Variants in TMEM164 observed in about 807,000 individuals in gnomAD.
The protein encoded by TMEM164 is transmembrane protein 164, also known as RP13-360B22.2.
In TMEM164, 4 loss-of-function variants were observed where a neutral mutation model predicts 18.8. The ratio of observed to expected loss-of-function variants is 0.21; its 90% confidence interval spans 0.10 to 0.49. The LOEUF (loss-of-function observed/expected upper bound fraction) is 0.49. Among genes scored for constraint, TMEM164 ranks in the 20% least tolerant of loss-of-function variants. The probability of loss-of-function intolerance (pLI) is 0.98; values close to 1 mark genes in which losing one functional copy is unlikely to be tolerated. For missense variants in TMEM164, 108 were observed against 239.9 expected (o/e 0.45, Z 3.63); for synonymous variants, 86 against 101.7 (o/e 0.85, Z 0.93).
At chrX:110,068,661 A>T (rs2065536222) in intron 3 of TMEM164, among the ~76,000 whole-genome samples, 2 of 111,663 alleles carry the variant, frequency 1.8e-5, no homozygotes. Context: ...TTATTGATAC[A>T]TTCATATAGG....
At chrX:110,073,074 C>G (rs1027273074) in intron 3 of TMEM164, among the ~76,000 whole-genome samples, 2 of 111,321 alleles carry the variant, frequency 1.8e-5, no homozygotes, top group East Asian at 5.6e-4. Flanking sequence ...CTCTGGTGCC[C>G]AGGCTGGAGT....
intron 2 of TMEM164, among the ~76,000 whole-genome samples, chrX:110,035,724 C>T (rs1366087230): frequency 2.7e-5 from 3 of 109,834 alleles, no homozygotes; most frequent in East Asian, 5.7e-4. Flanking sequence ...AGGCTGGTCT[C>T]GAACTCCTGA....
At chrX:110,012,463 C>T (rs1415264435) in intron 2 of TMEM164, among the ~76,000 whole-genome samples, 2 of 111,942 alleles carry the variant, frequency 1.8e-5, no homozygotes, top group Admixed American at 9.4e-5. Flanking sequence ...AAAAAAGGGC[C>T]TTGTTACCCT....
chrX:110,054,056 A>T (rs1478574580), intron 2 of TMEM164, among the ~76,000 whole-genome samples: 1 of 111,968 alleles, frequency 8.9e-6, no homozygotes, highest in Non-Finnish European at 1.9e-5. Context: ...TAGTATTGGC[A>T]ACAAACATGA....
chrX:110,157,467 C>T (rs1444712724), intron 5 of TMEM164, among the ~76,000 whole-genome samples: 2 of 111,559 alleles, frequency 1.8e-5, no homozygotes, highest in African/African-American at 3.3e-5. Context: ...CTCTCCTTTT[C>T]ACCTCCTTTT....
At chrX:110,014,744 C>CTTTT (rs142705177) in intron 2 of TMEM164, among the ~76,000 whole-genome samples, 1 of 54,209 alleles carries the variant, frequency 1.8e-5, no homozygotes, top group African/African-American at 7.5e-5. Flanking sequence ...TTGGTTGTTT[C>CTTTT]TTTTTTTTTT....
At chrX:110,005,320 T>C (rs1015463905) in intron 2 of TMEM164, among the ~76,000 whole-genome samples, 1 of 111,570 alleles carries the variant, frequency 9.0e-6, no homozygotes, top group African/African-American at 3.3e-5. Flanking sequence ...GATGAATTAG[T>C]GCCTGGGTTA....
At chrX:110,130,445 G>A (rs2066597129) in intron 4 of TMEM164, among the ~76,000 whole-genome samples, 1 of 111,851 alleles carries the variant, frequency 8.9e-6, no homozygotes, top group Admixed American at 9.5e-5. Flanking sequence ...TACATACTAA[G>A]TATTAAGACA....
At chrX:110,133,916 G>C (rs1213300815) in intron 4 of TMEM164, among the ~76,000 whole-genome samples, 1 of 111,818 alleles carries the variant, frequency 8.9e-6, no homozygotes, top group East Asian at 2.8e-4. Context: ...GGGAGGAGGA[G>C]AGTGAGGAGG....
intron 5 of TMEM164, among the ~76,000 whole-genome samples, chrX:110,167,276 G>T (rs1311919412): frequency 2.7e-5 from 3 of 112,515 alleles, no homozygotes; most frequent in Non-Finnish European, 5.6e-5. Flanking sequence ...AACAGGCTTA[G>T]AGGGGCAGCA....
chrX:110,027,621 G>A (rs750954040), intron 2 of TMEM164, among the ~76,000 whole-genome samples: 6 of 110,069 alleles, frequency 5.5e-5, no homozygotes, highest in Non-Finnish European at 1.1e-4. Flanking sequence ...TTAGCTGGGC[G>A]TGGTGGTGTG....
At chrX:110,054,993 G>A in intron 2 of TMEM164, among the ~76,000 whole-genome samples, 1 of 111,328 alleles carries the variant, frequency 9.0e-6, no homozygotes, top group Non-Finnish European at 1.9e-5. Flanking sequence ...GAGTTGAAAA[G>A]TCTCATGAGC....
At chrX:110,010,136 T>C (rs1029415801) in intron 2 of TMEM164, among the ~76,000 whole-genome samples, 3 of 112,612 alleles carry the variant, frequency 2.7e-5, no homozygotes, top group African/African-American at 9.7e-5. Context: ...CCAAAGTGTC[T>C]GTTTGCTTTT....
At chrX:110,002,534 G>T (rs1470168138), upstream of TMEM164, 2 of 109,846 alleles carry the variant, frequency 1.8e-5, no homozygotes, top group Non-Finnish European at 3.8e-5. Context: ...GCCCGAGGGC[G>T]TGTGGTGGGG....
chrX:110,101,865 G>A (rs750594748), intron 3 of TMEM164, among the ~76,000 whole-genome samples: 2 of 110,103 alleles, frequency 1.8e-5, no homozygotes, highest in Admixed American at 1.9e-4. Flanking sequence ...TTACAGGCGC[G>A]AGGCACTGAG....
At chrX:110,130,027 A>G (rs2066590700) in intron 4 of TMEM164, among the ~76,000 whole-genome samples, 1 of 112,751 alleles carries the variant, frequency 8.9e-6, no homozygotes, top group Non-Finnish European at 1.9e-5. Context: ...TATCTTGTTT[A>G]TAATAGTTGG....
intron 3 of TMEM164, among the ~76,000 whole-genome samples, chrX:110,086,674 A>G (rs55696647): frequency 1.1e-5 from 1 of 90,457 alleles, no homozygotes; most frequent in Non-Finnish European, 2.0e-5. Flanking sequence ...GTGTGTATAT[A>G]TGTGTGTGTG....
chrX:110,072,819 A>T (rs2065614745), intron 3 of TMEM164, among the ~76,000 whole-genome samples: 2 of 101,731 alleles, frequency 2.0e-5, no homozygotes, highest in Non-Finnish European at 2.0e-5. Flanking sequence ...TCCTTTATTT[A>T]TTTTTTGTCT....
intron 5 of TMEM164, among the ~76,000 whole-genome samples, chrX:110,149,291 T>C (rs1231141677): frequency 1.8e-5 from 2 of 111,811 alleles, no homozygotes; most frequent in Admixed American, 9.5e-5. Context: ...TTGAGTTTTC[T>C]TCTCAATTAC....
Sources: gnomAD v4.1 joint callset for allele counts (sites outside exome capture counted in the v4.1 genomes callset) on GRCh38, gnomAD v4.1.1 for gene constraint, MANE v1.5 for transcripts, NCBI Gene and HGNC (gene_info 2026-07-23, HGNC 2026-07-21) for gene names.